The following WDR70 variants were observed in gnomAD, a reference collection of about 807,000 sequenced individuals.
WDR70 encodes the protein WD repeat domain 70, also known as WD repeat-containing protein 70.
A neutral mutation model predicts 88.6 loss-of-function variants in WDR70; 53 were observed. That is an observed-to-expected ratio of 0.60 (90% CI 0.48 to 0.75). The LOEUF is 0.75. Among genes scored for constraint, WDR70 ranks in the 30% least tolerant of loss-of-function variants. WDR70 has a pLI of 0.00. For synonymous variants in WDR70, 280 were observed against 270.0 expected, an observed-to-expected ratio of 1.04 and a Z score of -0.36; for missense variants, 610 against 823.2, an observed-to-expected ratio of 0.74 and a Z score of 3.17.
chr5:37,740,641 C>T (rs1748446643), intron 17 of WDR70, among the ~76,000 whole-genome samples: 1 of 152,136 alleles, frequency 6.6e-6, no homozygotes, highest in Admixed American at 6.5e-5. Flanking sequence ...GCCTAACTCC[C>T]CAAAATCAAA....
At chr5:37,596,805 G>A (rs111492297) in intron 9 of WDR70, among the ~76,000 whole-genome samples, 24 of 151,766 alleles carry the variant, frequency 1.6e-4, no homozygotes, top group African/African-American at 5.6e-4. Flanking sequence ...TGTGTGATTT[G>A]ACAAATGAAT....
chr5:37,696,020 T>C (rs1364557860), intron 10 of WDR70, among the ~76,000 whole-genome samples: 1 of 152,186 alleles, frequency 6.6e-6, no homozygotes, highest in Non-Finnish European at 1.5e-5. Context: ...GTTAGGACCT[T>C]CTCAGTGCTC....
At chr5:37,560,157 G>GA (rs1742457105) in intron 9 of WDR70, among the ~76,000 whole-genome samples, 1 of 152,064 alleles carries the variant, frequency 6.6e-6, no homozygotes, top group Non-Finnish European at 1.5e-5. Context: ...CATTTAGCCT[G>GA]AATTATGAGT....
chr5:37,514,160 G>A (rs1230744345), intron 8 of WDR70, among the ~76,000 whole-genome samples: 2 of 150,806 alleles, frequency 1.3e-5, no homozygotes, highest in Non-Finnish European at 3.0e-5. Flanking sequence ...AACTATAGAT[G>A]TCTATCCCAT....
intron 10 of WDR70, among the ~76,000 whole-genome samples, chr5:37,669,282 A>G (rs1745951941): frequency 1.3e-5 from 2 of 152,178 alleles, no homozygotes; most frequent in Non-Finnish European, 2.9e-5. Flanking sequence ...TGGACTTTTC[A>G]GAAATCTTTG....
At chr5:37,660,943 C>T (rs952196183) in intron 10 of WDR70, among the ~76,000 whole-genome samples, 1 of 152,112 alleles carries the variant, frequency 6.6e-6, no homozygotes, top group African/African-American at 2.4e-5. Flanking sequence ...GTAGCATTTA[C>T]ATTGTATTAG....
At chr5:37,487,644 T>TG (rs1739925854) in intron 8 of WDR70, among the ~76,000 whole-genome samples, 2 of 122,764 alleles carry the variant, frequency 1.6e-5, no homozygotes, top group African/African-American at 5.8e-5. Context: ...TTTTTTTTTT[T>TG]GAGAGGGTGT....
intron 2 of WDR70, among the ~76,000 whole-genome samples, chr5:37,380,210 C>G (rs1198413924): frequency 6.6e-6 from 1 of 152,210 alleles, no homozygotes; most frequent in Admixed American, 6.5e-5. Context: ...CTTCCCTGAA[C>G]CTTTTCTCAA....
chr5:37,703,061 G>T lies in WDR70; in HGVS notation c.1390G>T (p.Val464Leu), dbSNP rs758935578. 2 of 1,612,902 alleles carry T rather than the reference G, an allele frequency of 1.2e-6. No homozygotes were observed. Among genetic ancestry groups the T allele is most frequent in the South Asian group, 1.1e-5 (1 of 90,958 alleles). ...VFFERRTFQR[V>L]YEIDITDASV... ...CTTTGAGCGTAGGACTTTCCAAAGG[G>T]TGTATGAAATAGACATCACAGATGC... Residue 464 changes from valine to leucine, a missense_variant, in exon 13 of 18, where the codon GTG becomes TTG. By Grantham distance (32) the Val-to-Leu change is conservative. Coordinates refer to ENST00000265107, the MANE Select transcript of WDR70 (RefSeq NM_018034.4).
At chr5:37,575,963 T>G (rs909283757) in intron 9 of WDR70, among the ~76,000 whole-genome samples, 1 of 152,118 alleles carries the variant, frequency 6.6e-6, no homozygotes, top group African/African-American at 2.4e-5. Flanking sequence ...GCTGGATAAT[T>G]TATTGTTGGT....
chr5:37,647,927 A>G (rs1745282117), intron 10 of WDR70, among the ~76,000 whole-genome samples: 1 of 152,190 alleles, frequency 6.6e-6, no homozygotes, highest in African/African-American at 2.4e-5. Context: ...TACCGTTTAT[A>G]AAACCATCAG....
chr5:37,691,214 A>G (rs1054592806), intron 10 of WDR70, among the ~76,000 whole-genome samples: 8 of 152,218 alleles, frequency 5.3e-5, no homozygotes, highest in African/African-American at 1.9e-4. Context: ...CAGATTCATA[A>G]AGCAAGTCCT....
At position 37,379,496 on chromosome 5, in the gene WDR70, C is replaced by G. The variant is rs142856067; in HGVS notation, c.33C>G (p.Gly11=). 1.0e-4 allele frequency: 161 copies of G among 1,613,872 alleles called. No homozygotes were observed. Among genetic ancestry groups the G allele is most frequent in the Non-Finnish European group, 1.3e-4 (155 of 1,179,878 alleles). ...CTTTTCCTCTTGCTCCAGTGACAGG[C>G]TCAGACGCGTCGGGACCGGACCCGC... The part of the protein sequence containing the change: MERSGPSEVT[G]SDASGPDPQL... The change falls in exon 2 of 18, where the codon GGC becomes GGG. Residue 11 remains glycine (G), a synonymous_variant. Transcript: ENST00000265107.
chr5:37,643,038 G>T (rs778208296), intron 10 of WDR70, among the ~76,000 whole-genome samples: 3 of 152,058 alleles, frequency 2.0e-5, no homozygotes, highest in Non-Finnish European at 4.4e-5. Context: ...CTATGCTTGT[G>T]GGGTATTGCA....
rs369889392 is a variant in WDR70, at chr5:37,556,574, T to G, written c.917+39984T>G. ...TTTGAAATACCAAATGCTTTATTCA[T>G]CTCCACATTTTTCAATAGAGTACTA... On this transcript the variant is annotated intron_variant, in intron 9 of 17. Coordinates refer to ENST00000265107, the MANE Select transcript of WDR70 (RefSeq NM_018034.4). 5.3e-5 allele frequency among the ~76,000 whole-genome samples: 8 copies of G among 152,360 alleles called. No homozygotes were observed. In the East Asian group the frequency reaches 1.5e-3, roughly 29 times the overall value.
chr5:37,678,768 A>C (rs1252218087), intron 10 of WDR70, among the ~76,000 whole-genome samples: 2 of 152,102 alleles, frequency 1.3e-5, no homozygotes, highest in African/African-American at 4.8e-5. Context: ...CCTGAATCTG[A>C]ATGTTAGCCT....
intron 10 of WDR70, among the ~76,000 whole-genome samples, chr5:37,659,180 A>G (rs1378205327): frequency 2.0e-5 from 3 of 152,236 alleles, no homozygotes; most frequent in Admixed American, 6.5e-5. Context: ...CCAGTGGCAT[A>G]TACTATATAC....
At chr5:37,710,975 T>C (rs758253486) in intron 13 of WDR70, among the ~76,000 whole-genome samples, 14 of 151,992 alleles carry the variant, frequency 9.2e-5, no homozygotes, top group Non-Finnish European at 1.3e-4. Context: ...TGAAAAACCC[T>C]ATGCCTTCTG....
chr5:37,721,284 C>G lies in WDR70; in HGVS notation c.1517+69C>G. ...GGGGGGAGGGATTTCCCTCCCACCC[C>G]CGCTTTTATTTATTTCCCACTTTGA... On this transcript the variant is annotated intron_variant, in intron 14 of 17. Transcript: ENST00000265107. 2.9e-6 allele frequency: 4 copies of G among 1,372,496 alleles called. No homozygotes were observed. In the South Asian group the frequency reaches 4.7e-5, roughly 16 times the overall value. 85.0% of individuals were successfully genotyped at this position (1,372,496 alleles called of 1,614,324 possible).
Sources: allele counts gnomAD v4.1 joint callset (sites outside exome capture counted in the v4.1 genomes callset), GRCh38; gene constraint gnomAD v4.1.1; transcripts MANE v1.5; gene names NCBI Gene and HGNC (gene_info 2026-07-23, HGNC 2026-07-21).